ZNF385D: variants seen among roughly 807,000 people sequenced by gnomAD.
ZNF385D encodes zinc finger protein 385D.
ZNF385D carries 15 observed loss-of-function variants against 35.8 expected under a neutral mutation model. The observed-to-expected ratio is 0.42, with a 90% confidence interval of 0.28 to 0.64. The LOEUF (loss-of-function observed/expected upper bound fraction) is 0.64, where lower values mean the gene tolerates loss of function less well. Ranked by LOEUF, ZNF385D falls within the 30% of genes least tolerant of loss-of-function variation. The pLI is 0.23. For synonymous variants in ZNF385D, 212 were observed against 186.8 expected, an observed-to-expected ratio of 1.13 and a Z score of -1.10; for missense variants, 474 against 494.6, an observed-to-expected ratio of 0.96 and a Z score of 0.39.
chr3:21,850,757 G>A (rs73820158), intron 3 of ZNF385D, among the ~76,000 whole-genome samples: 4,853 of 152,074 alleles, frequency 0.032, 246 homozygotes, highest in African/African-American at 0.11. Flanking sequence ...GATTCCAGAA[G>A]GACAATGCCT....
intron 2 of ZNF385D, among the ~76,000 whole-genome samples, chr3:22,368,421 T>C (rs1041658803): frequency 1.3e-5 from 2 of 152,204 alleles, no homozygotes; most frequent in Non-Finnish European, 2.9e-5. Flanking sequence ...TTCAACTTCC[T>C]CTAATTGCAA....
chr3:21,809,324 AT>A (rs1359458837), intron 3 of ZNF385D, among the ~76,000 whole-genome samples: 1 of 152,046 alleles, frequency 6.6e-6, no homozygotes, highest in Admixed American at 6.6e-5. Flanking sequence ...ACCTAGGTAA[AT>A]ATAAAAGACT....
intron 3 of ZNF385D, among the ~76,000 whole-genome samples, chr3:21,979,137 T>C (rs938829442): frequency 6.6e-6 from 1 of 152,010 alleles, no homozygotes; most frequent in Non-Finnish European, 1.5e-5. Context: ...GATACACAGT[T>C]AATAAATCAT....
At chr3:21,934,045 G>T (rs934579884) in intron 3 of ZNF385D, among the ~76,000 whole-genome samples, 1 of 151,768 alleles carries the variant, frequency 6.6e-6, no homozygotes, top group Admixed American at 6.6e-5. Context: ...AAAAAGTGCT[G>T]AAAAATGAAA....
chr3:21,946,520 T>C (rs898906734), intron 3 of ZNF385D, among the ~76,000 whole-genome samples: 2 of 152,156 alleles, frequency 1.3e-5, no homozygotes, highest in African/African-American at 4.8e-5. Context: ...TTTGTTTTCA[T>C]GTAACACTAT....
At chr3:21,811,571 G>C (rs2072922983) in intron 3 of ZNF385D, among the ~76,000 whole-genome samples, 1 of 152,168 alleles carries the variant, frequency 6.6e-6, no homozygotes. Context: ...GATGTATTTG[G>C]AGGTTTCCAA....
chr3:22,046,810 A>C (rs189173629), intron 3 of ZNF385D, among the ~76,000 whole-genome samples: 1 of 152,270 alleles, frequency 6.6e-6, no homozygotes, highest in Non-Finnish European at 1.5e-5. Context: ...GTCGAATTGT[A>C]TTTGGAGAAA....
At chr3:21,703,832 A>G (rs4858342) in intron 1 of ZNF385D, among the ~76,000 whole-genome samples, 60,824 of 151,906 alleles carry the variant, frequency 0.4, 13,640 homozygotes, top group Middle Eastern at 0.53. Context: ...GCACTTACCT[A>G]GCAATAGCTG....
chr3:21,496,614 G>A (rs1705913253), intron 4 of ZNF385D, among the ~76,000 whole-genome samples: 2 of 139,706 alleles, frequency 1.4e-5, no homozygotes, highest in Non-Finnish European at 3.0e-5. Context: ...TATACTTCAG[G>A]TCAATATCCT....
At chr3:22,136,933 G>C (rs1301566321) in intron 3 of ZNF385D, among the ~76,000 whole-genome samples, 2 of 152,102 alleles carry the variant, frequency 1.3e-5, no homozygotes, top group Non-Finnish European at 2.9e-5. Flanking sequence ...AAGGAATAGA[G>C]GGATGATTAG....
intron 3 of ZNF385D, among the ~76,000 whole-genome samples, chr3:21,949,394 T>C (rs561793954): frequency 6.6e-6 from 1 of 152,124 alleles, no homozygotes; most frequent in South Asian, 2.1e-4. Context: ...ATCCCATCGG[T>C]TGGGGTGGCT....
At chr3:22,049,139 A>T (rs1045947011) in intron 3 of ZNF385D, among the ~76,000 whole-genome samples, 1 of 151,908 alleles carries the variant, frequency 6.6e-6, no homozygotes, top group Non-Finnish European at 1.5e-5. Flanking sequence ...TCTACTAAAA[A>T]TACAAAAATT....
rs796818193 is a variant in ZNF385D at position 21,570,000 on chromosome 3, A to G, written c.166-5316T>C. Reference sequence around the variant, plus strand: ...TGCAGCACACCAGCATGGCACATGTATACATACGTAACTAACCTGCACATT... The same window carrying G: ...TGCAGCACACCAGCATGGCACATGTGTACATACGTAACTAACCTGCACATT... On this transcript the variant is annotated intron_variant, in intron 2 of 7. Coordinates refer to ENST00000281523, the MANE Select transcript of ZNF385D (RefSeq NM_024697.3). 6.5e-4 allele frequency among the ~76,000 whole-genome samples: 99 copies of G among 151,882 alleles called. 1 individual carries two copies. Among genetic ancestry groups the G allele is most frequent in the Middle Eastern group, 3.4e-3 (1 of 294 alleles).
chr3:22,230,463 G>A (rs1698820641), intron 2 of ZNF385D, among the ~76,000 whole-genome samples: 1 of 152,064 alleles, frequency 6.6e-6, no homozygotes, highest in South Asian at 2.1e-4. Flanking sequence ...CGATTCTGAG[G>A]GGGATTCCAT....
intron 2 of ZNF385D, among the ~76,000 whole-genome samples, chr3:22,188,534 C>T (rs1695796665): frequency 6.6e-6 from 1 of 152,024 alleles, no homozygotes; most frequent in Admixed American, 6.6e-5. Flanking sequence ...ACTGCAAGCT[C>T]CGCTTCCCAG....
intron 2 of ZNF385D, among the ~76,000 whole-genome samples, chr3:22,284,468 G>GAA (rs1389870600): frequency 6.6e-6 from 1 of 151,832 alleles, no homozygotes; most frequent in East Asian, 1.9e-4. Flanking sequence ...GGGATTACAG[G>GAA]CATGAGCCAC....
At chr3:21,520,796 C>A (rs941549852) in intron 3 of ZNF385D, among the ~76,000 whole-genome samples, 2 of 152,128 alleles carry the variant, frequency 1.3e-5, no homozygotes, top group African/African-American at 2.4e-5. Context: ...AGACAAAATT[C>A]TTTTAAATAT....
intron 3 of ZNF385D, among the ~76,000 whole-genome samples, chr3:22,061,189 T>C (rs1699668160): frequency 6.6e-6 from 1 of 152,182 alleles, no homozygotes; most frequent in Non-Finnish European, 1.5e-5. Context: ...TGAAATTCCT[T>C]CTGTGGCAAA....
chr3:22,195,717 ATGTT>A (rs1186001404), intron 2 of ZNF385D, among the ~76,000 whole-genome samples: 1 of 151,950 alleles, frequency 6.6e-6, no homozygotes, highest in African/African-American at 2.4e-5. Context: ...TTATTTTTTA[ATGTT>A]TGTTTGTTCA....
Sources: allele counts gnomAD v4.1 joint callset (sites outside exome capture counted in the v4.1 genomes callset), GRCh38; gene constraint gnomAD v4.1.1; transcripts MANE v1.5; gene names NCBI Gene and HGNC (gene_info 2026-07-23, HGNC 2026-07-21).